The following VPS37B variants were observed in gnomAD, a reference collection of about 807,000 sequenced individuals.
VPS37B encodes vacuolar protein sorting-associated protein 37B.
In VPS37B, 11 loss-of-function variants were observed where a neutral mutation model predicts 21.2. That is an observed-to-expected ratio of 0.52 (90% CI 0.33 to 0.86). The LOEUF (loss-of-function observed/expected upper bound fraction) is 0.86, where lower values mean the gene tolerates loss of function less well. VPS37B is among the 40% of genes least tolerant of loss of function. VPS37B has a pLI of 0.03. For missense variants in VPS37B, 389 were observed against 374.8 expected, an observed-to-expected ratio of 1.04 and a Z score of -0.31; for synonymous variants, 175 against 159.6, an observed-to-expected ratio of 1.10 and a Z score of -0.73.
intron 1 of VPS37B, chr12:122,872,777 G>A: frequency 1.2e-6 from 1 of 807,872 alleles, no homozygotes; most frequent in Non-Finnish European, 1.5e-6. Flanking sequence ...GTACTCTTGG[G>A]CATTTATATC....
chr12:122,887,058 T>C (rs1416742216), intron 1 of VPS37B: 2 of 152,228 alleles, frequency 1.3e-5, no homozygotes, highest in Admixed American at 1.3e-4. Context: ...CATTTGCCAC[T>C]GGCAGATAAA....
intron 1 of VPS37B, chr12:122,882,939 AACTT>A (rs2034267850): frequency 6.6e-6 from 1 of 152,204 alleles, no homozygotes; most frequent in African/African-American, 2.4e-5. Flanking sequence ...TACTGAAACA[AACTT>A]AACAGTTGCG....
intron 1 of VPS37B, chr12:122,874,976 A>G (rs1278843882): frequency 8.1e-6 from 1 of 123,292 alleles, no homozygotes; most frequent in South Asian, 2.6e-4. Context: ...AAAAAAAAAA[A>G]AAAAACTCCA....
chr12:122,883,257 G>C (rs1379111811), intron 1 of VPS37B: 1 of 152,084 alleles, frequency 6.6e-6, no homozygotes, highest in African/African-American at 2.4e-5. Flanking sequence ...CCTCGAAAAG[G>C]AACAGACAGT....
chr12:122,886,111 T>A (rs2034323217), intron 1 of VPS37B: 1 of 152,220 alleles, frequency 6.6e-6, no homozygotes, highest in East Asian at 1.9e-4. Context: ...GAATTGTCCT[T>A]ATGAATATCA....
intron 1 of VPS37B, chr12:122,883,128 A>G (rs939762639): frequency 6.6e-6 from 1 of 152,230 alleles, no homozygotes; most frequent in Non-Finnish European, 1.5e-5. Context: ...CTGCTTATCG[A>G]ATGTTCCACC....
At chr12:122,883,328 G>A (rs1441169195) in intron 1 of VPS37B, 2 of 152,192 alleles carry the variant, frequency 1.3e-5, no homozygotes, top group African/African-American at 4.8e-5. Flanking sequence ...AAATTGGTAC[G>A]TGTGAGTGCA....
In VPS37B at chr12:122,884,776, C is replaced by T. The variant is rs1016608127; in HGVS notation, c.111+11176G>A. 3.9e-5 allele frequency: 6 copies of T among 151,904 alleles called. 1 individual carries two copies. Among genetic ancestry groups the T allele is most frequent in the South Asian group, 4.2e-4 (2 of 4,812 alleles). The allele number at this position is 151,904 out of a possible 1,614,324, so 9.4% of individuals were successfully genotyped here. A position where few individuals can be genotyped will look rare whatever the true frequency, so the allele number is the denominator to read the frequency against. ...GCATTCATTTGTTTAGGAAGAGCTTCGGGTTTTATTGTTTGTTTTTTCCCC... is the reference window on the plus strand; with the variant it reads ...GCATTCATTTGTTTAGGAAGAGCTTTGGGTTTTATTGTTTGTTTTTTCCCC... On this transcript the variant is annotated intron_variant, in intron 1 of 3. Coordinates refer to ENST00000267202, the MANE Select transcript of VPS37B (RefSeq NM_024667.3).
chr12:122,875,477 GTCTTT>G (rs983082366), intron 1 of VPS37B: 7 of 151,876 alleles, frequency 4.6e-5, no homozygotes, highest in East Asian at 1.9e-4. Context: ...GAAGGTGAAT[GTCTTT>G]TCTTAAGCAT....
intron 1 of VPS37B, chr12:122,883,296 T>A (rs906572084): frequency 5.9e-5 from 9 of 152,160 alleles, no homozygotes; most frequent in African/African-American, 2.4e-5. Flanking sequence ...ATCCCCTCCA[T>A]ATGTAGCTGA....
chr12:122,869,252 C>T (rs2033974043), intron 2 of VPS37B, among the ~76,000 whole-genome samples: 1 of 152,216 alleles, frequency 6.6e-6, no homozygotes. Flanking sequence ...CATTCTTGTA[C>T]CTATCTTCTG....
At chr12:122,870,054 T>C (rs2033993706) in intron 2 of VPS37B, 1 of 152,030 alleles carries the variant, frequency 6.6e-6, no homozygotes, top group South Asian at 2.1e-4. Context: ...TTTTTTTTTT[T>C]TTTTACCATT....
intron 1 of VPS37B, chr12:122,871,882 T>C (rs1206532790): frequency 1.0e-6 from 1 of 985,196 alleles, no homozygotes; most frequent in Non-Finnish European, 1.2e-6. Flanking sequence ...GGTACCCTAG[T>C]TCCCTTTTCA....
chr12:122,867,103 A>T lies in VPS37B; in HGVS notation c.*13T>A. 1 of 1,511,410 alleles carries T rather than the reference A, an allele frequency of 6.6e-7. No homozygotes were observed. Among genetic ancestry groups the T allele is most frequent in the Non-Finnish European group, 8.8e-7 (1 of 1,135,342 alleles). The allele number at this position is 1,511,410 out of a possible 1,614,324, so 93.6% of individuals were successfully genotyped here. A position where few individuals can be genotyped will look rare whatever the true frequency, so the allele number is the denominator to read the frequency against. ...AGGTGGAAGAAGTCTCCCGGGAAGGACCGCGCCGGCGCTCACTGGAGGATG... is the reference window on the plus strand; with the variant it reads ...AGGTGGAAGAAGTCTCCCGGGAAGGTCCGCGCCGGCGCTCACTGGAGGATG... On this transcript the variant is annotated 3_prime_UTR_variant, in exon 4 of 4. Coordinates refer to ENST00000267202, the MANE Select transcript of VPS37B (RefSeq NM_024667.3). The surrounding 1 kb of genome is among the most constrained non-coding windows in gnomAD (Gnocchi z 5.5).
chr12:122,894,628 G>T (rs1287314119), intron 1 of VPS37B, among the ~76,000 whole-genome samples: 1 of 152,218 alleles, frequency 6.6e-6, no homozygotes, highest in African/African-American at 2.4e-5. Context: ...GCCAGGAAGA[G>T]CTGGGATTAG....
intron 1 of VPS37B, among the ~76,000 whole-genome samples, chr12:122,892,221 T>C (rs2034423915): frequency 6.6e-6 from 1 of 152,124 alleles, no homozygotes; most frequent in Non-Finnish European, 1.5e-5. Context: ...ATATACTACA[T>C]TTAGGGAATT....
intron 1 of VPS37B, chr12:122,873,661 C>G (rs1408770803): frequency 6.6e-6 from 1 of 152,252 alleles, no homozygotes; most frequent in Non-Finnish European, 1.5e-5. Context: ...CCCACCATCC[C>G]TTCCCGGTCA....
chr12:122,893,815 C>T (rs2034449892), intron 1 of VPS37B, among the ~76,000 whole-genome samples: 2 of 86,224 alleles, frequency 2.3e-5, no homozygotes, highest in Non-Finnish European at 2.2e-5. Context: ...ATGAAGGTCA[C>T]TTTTACTCAA....
chr12:122,878,581 TG>T (rs2034196235), intron 1 of VPS37B: 1 of 150,042 alleles, frequency 6.7e-6, no homozygotes, highest in Non-Finnish European at 1.5e-5. Context: ...TATCTGGAAA[TG>T]AAACAATCAT....
Sources: gnomAD v4.1 joint callset for allele counts (sites outside exome capture counted in the v4.1 genomes callset) on GRCh38, gnomAD v4.1.1 for gene constraint, Gnocchi (gnomAD v3.1) non-coding constraint, MANE v1.5 for transcripts, NCBI Gene and HGNC (gene_info 2026-07-23, HGNC 2026-07-21) for gene names.